Variants in ATP7B observed in about 807,000 individuals in gnomAD.
ATP7B encodes the protein ATPase copper transporting beta, also known as copper-transporting ATPase 2.
ATP7B carries 113 observed loss-of-function variants against 118.9 expected under a neutral mutation model. The observed-to-expected ratio is 0.95, with a 90% CI of 0.82 to 1.11. The LOEUF (loss-of-function observed/expected upper bound fraction) is 1.11, where lower values mean the gene tolerates loss of function less well. ATP7B is among the 50% of genes most tolerant of loss of function. ATP7B has a pLI of 0.00. For synonymous variants in ATP7B, 777 were observed against 727.4 expected, an observed-to-expected ratio of 1.07 and a Z score of -1.10; for missense variants, 1,867 against 1,871.4, an observed-to-expected ratio of 1.00 and a Z score of 0.04.
rs555886801 is a variant in ATP7B, at chr13:51,993,547, CA to C, written c.51+17739del. ...CACTGCACTCCAGCCTCGGCATCAG[CA>C]AGAGACCATGTCCCAAAATAAAAAA... On this transcript the variant is annotated intron_variant, in intron 1 of 20. Transcript: ENST00000242839. Among the ~76,000 whole-genome samples, 28 of 152,064 alleles carry C rather than the reference CA, an allele frequency of 1.8e-4. No individual in the cohort carries two copies. The East Asian group carries it at 5.2e-3, about 28-fold the overall frequency.
rs193922101 is a variant in ATP7B, at chr13:52,011,411, G to A, written c.-74C>T. 2.3e-4 allele frequency: 375 copies of A among 1,603,446 alleles called. No homozygotes were observed. Among genetic ancestry groups the A allele is most frequent in the South Asian group, 1.3e-3 (122 of 90,812 alleles). ...GGTCACCTGGTCGGTGGAGGAGAGCGGGGTGTTAAAGTCCCGGGAGAGGAG... is the reference window on the plus strand; with the variant it reads ...GGTCACCTGGTCGGTGGAGGAGAGCAGGGTGTTAAAGTCCCGGGAGAGGAG... On this transcript the variant is annotated 5_prime_UTR_variant, in exon 1 of 21. Coordinates refer to ENST00000242839, the MANE Select transcript of ATP7B (RefSeq NM_000053.4).
intron 16 of ATP7B, among the ~76,000 whole-genome samples, chr13:51,940,276 G>A (rs1241880377): frequency 6.8e-6 from 1 of 146,940 alleles, no homozygotes; most frequent in East Asian, 2.2e-4. Flanking sequence ...GCCTCCCAAA[G>A]TGCTGGGATT....
rs1555285891 is a variant in ATP7B, at chr13:51,942,514, T to G, written c.3284A>C (p.Gln1095Pro). ...TETLGYCTDF[Q>P]AVPGCGIGCK... ...CCCAATTCCACAGCCTGGCACTGCC[T>G]GGAAGTCCGTGCAGTATCCCAAGGT... is the stretch of plus-strand genomic sequence containing the variant. Residue 1095 changes from glutamine (Q) to proline (P), a missense_variant, in exon 15 of 21, where the codon CAG (glutamine) becomes CCG (proline). Gln to Pro is a moderately conservative substitution (Grantham distance 76, BLOSUM62 -1). Coordinates refer to ENST00000242839, the MANE Select transcript of ATP7B (RefSeq NM_000053.4). 1.2e-6 allele frequency: 2 copies of G among 1,614,140 alleles called. No homozygotes were observed. The highest frequency in any genetic ancestry group is 1.7e-6 in the Non-Finnish European group (2 of 1,180,032).
At chr13:51,981,990 T>G (rs1312808457) in intron 1 of ATP7B, among the ~76,000 whole-genome samples, 1 of 147,388 alleles carries the variant, frequency 6.8e-6, no homozygotes, top group African/African-American at 2.5e-5. Context: ...CATAATGAGA[T>G]TTTTTTGGGT....
Position 51,935,627 on chromosome 13 carries a change from C to A in ATP7B, c.4090G>T (p.Val1364Leu). Residue 1364 changes from valine (V) to leucine (L), a missense_variant, in exon 20 of 21, where the codon GTG becomes TTG. By Grantham distance (32) the Val-to-Leu change is conservative. Coordinates refer to ENST00000242839, the MANE Select transcript of ATP7B (RefSeq NM_000053.4). ...MGSAAMAASS[V>L]SVVLSSLQLK... ...TGCAGGGATGAGAGCACCACAGACA[C>A]AGAGGAGGCTGCCATGGCCGCTGAG... 1 of 1,613,846 alleles carries A rather than the reference C, an allele frequency of 6.2e-7. No individual in the cohort carries two copies. The highest frequency in any genetic ancestry group is 8.5e-7 in the Non-Finnish European group (1 of 1,179,950).
rs1048468324 is a variant in ATP7B at position 51,986,853 on chromosome 13, C to T, written c.52-11685G>A. On this transcript the variant is annotated intron_variant, in intron 1 of 20. Transcript: ENST00000242839. ...TCTCAATAGACGCAGAGAAGACCTT[C>T]GAAAAAATTCAACACCCCTTCATGC... is the stretch of plus-strand genomic sequence containing the variant. Among the ~76,000 whole-genome samples, 7 of 152,156 alleles carry T rather than the reference C, an allele frequency of 4.6e-5. No homozygotes were observed. The South Asian group carries it at 6.2e-4, about 14-fold the overall frequency.
intron 7 of ATP7B, 197 bp downstream of exon 7, chr13:51,959,951 C>T: frequency 3.0e-6 from 2 of 658,922 alleles, no homozygotes; most frequent in Admixed American, 2.6e-5. Context: ...TAGTCCCCCA[C>T]ACTGGGGGGG....
rs577920133 is a variant in ATP7B at position 51,934,327 on chromosome 13, A to T, written c.*429T>A. The T allele has an allele frequency of 3.4e-6, 1 of 293,646 alleles. No homozygotes were observed. The highest frequency in any genetic ancestry group is 8.0e-5 in the East Asian group (1 of 12,458). The allele number at this position is 293,646 out of a possible 1,614,324, so 18.2% of individuals were successfully genotyped here. A position where few individuals can be genotyped will look rare whatever the true frequency, so the allele number is the denominator to read the frequency against. On this transcript the variant is annotated 3_prime_UTR_variant, in exon 21 of 21. Transcript: ENST00000242839. The stretch of plus-strand genomic sequence containing the variant: ...GTGGTCTCAGAAACATGATGCACAC[A>T]GACAGGCGTCATCAGAAAGACCCTG...
At chr13:51,969,629 G>C (rs561921018) in intron 3 of ATP7B, among the ~76,000 whole-genome samples, 1 of 152,254 alleles carries the variant, frequency 6.6e-6, no homozygotes, top group South Asian at 2.1e-4. Flanking sequence ...TGAAAGGAAG[G>C]AAGTGCTTCA....
At chr13:51,988,945 T>C (rs898401417) in intron 1 of ATP7B, among the ~76,000 whole-genome samples, 39 of 151,718 alleles carry the variant, frequency 2.6e-4, no homozygotes, top group Admixed American at 1.9e-3. Context: ...TTAGGAGAAA[T>C]ACCTAATGTA....
intron 1 of ATP7B, among the ~76,000 whole-genome samples, chr13:51,982,510 A>G (rs1952470695): frequency 6.6e-6 from 1 of 152,230 alleles, no homozygotes; most frequent in Admixed American, 6.5e-5. Flanking sequence ...AAACAAACAC[A>G]GGTTTAGATA....
intron 1 of ATP7B, among the ~76,000 whole-genome samples, chr13:52,004,397 T>A (rs1328465168): frequency 6.6e-6 from 1 of 152,268 alleles, no homozygotes; most frequent in African/African-American, 2.4e-5. Flanking sequence ...TCCTAACTTG[T>A]GTTAACAAAT....
chr13:51,941,642 G>A (rs953115361), intron 15 of ATP7B, among the ~76,000 whole-genome samples: 13 of 152,264 alleles, frequency 8.5e-5, no homozygotes, highest in African/African-American at 2.2e-4. Flanking sequence ...AATCAGACAC[G>A]TCTACATGAA....
At chr13:51,959,977 A>T in intron 7 of ATP7B, 171 bp downstream of exon 7, 2 of 909,906 alleles carry the variant, frequency 2.2e-6, no homozygotes, top group Non-Finnish European at 3.4e-6. Flanking sequence ...AGCCCCACCT[A>T]CTGGTCATTA....
intron 1 of ATP7B, among the ~76,000 whole-genome samples, chr13:51,979,240 T>G (rs1340499462): frequency 2.0e-5 from 3 of 152,166 alleles, no homozygotes; most frequent in Non-Finnish European, 4.4e-5. Flanking sequence ...AATACAAGGG[T>G]GTGTAGTTCA....
chr13:51,957,454 T>G, intron 9 of ATP7B, 62 bp downstream of exon 9: 1 of 1,513,132 alleles, frequency 6.6e-7, no homozygotes, highest in Non-Finnish European at 9.2e-7. Context: ...CATGGGCATC[T>G]GATGCAGCTC....
At chr13:51,957,440 A>G in intron 9 of ATP7B, 76 bp downstream of exon 9, 1 of 1,431,774 alleles carries the variant, frequency 7.0e-7, no homozygotes, top group Non-Finnish European at 9.8e-7. Flanking sequence ...CAATGTCAAT[A>G]CAACATGGGC....
intron 19 of ATP7B, among the ~76,000 whole-genome samples, 160 bp from the exon 20 acceptor site, chr13:51,935,855 C>CA (rs1476096407): frequency 6.6e-6 from 1 of 152,234 alleles, no homozygotes; most frequent in Non-Finnish European, 1.5e-5. Context: ...AGGCCCCCCC[C>CA]AAAGTGAGGC....
chr13:51,957,759 C>G, intron 8 of ATP7B, 152 bp from the exon 9 acceptor site: 1 of 701,656 alleles, frequency 1.4e-6, no homozygotes, highest in Middle Eastern at 3.8e-4. Flanking sequence ...GCGTTACTTG[C>G]TATCCACCAC....
Sources: gnomAD v4.1 joint callset for allele counts (sites outside exome capture counted in the v4.1 genomes callset) on GRCh38, gnomAD v4.1.1 for gene constraint, MANE v1.5 for transcripts, NCBI Gene and HGNC (gene_info 2026-07-23, HGNC 2026-07-21) for gene names.